FHOD3: variants seen among roughly 807,000 people sequenced by gnomAD.
FHOD3 encodes the protein FH1/FH2 domain-containing protein 3.
Under a neutral mutation model 173.0 loss-of-function variants are expected in FHOD3, and 90 were observed. That is an observed-to-expected ratio of 0.52 (90% confidence interval 0.44 to 0.62). The LOEUF (loss-of-function observed/expected upper bound fraction) is 0.62. FHOD3 is among the 20% of genes least tolerant of loss of function. The pLI is 0.00. For synonymous variants in FHOD3, 828 were observed against 823.0 expected, an observed-to-expected ratio of 1.01 and a Z score of -0.10; for missense variants, 1,945 against 2,034.7, an observed-to-expected ratio of 0.96 and a Z score of 0.85.
Position 36,429,684 on chromosome 18 carries a change from TG to T in FHOD3, c.337+56942del, listed in dbSNP as rs1331093900. Among the ~76,000 whole-genome samples the T allele has an allele frequency of 5.9e-5, 9 of 152,158 alleles. No individual in the cohort carries two copies. The South Asian group carries it at 1.9e-3, about 32-fold the overall frequency. ...TATGCAGAACGGCAGAAAGGAGACA[TG>T]GCAGAACTGAGGGCCAGAAGGAGGA... On this transcript the variant is annotated intron_variant, in intron 3 of 28. Coordinates refer to ENST00000590592, the MANE Select transcript of FHOD3 (RefSeq NM_001281740.3).
intron 20 of FHOD3, among the ~76,000 whole-genome samples, chr18:36,734,269 G>T (rs1318223517): frequency 2.0e-5 from 3 of 152,182 alleles, no homozygotes; most frequent in African/African-American, 7.2e-5. Flanking sequence ...CAACTTCAAT[G>T]CTACTGGCAT....
At chr18:36,660,373 AACAGGAG>A (rs970499882) in intron 14 of FHOD3, among the ~76,000 whole-genome samples, 11 of 147,406 alleles carry the variant, frequency 7.5e-5, no homozygotes, top group Non-Finnish European at 1.5e-4. Flanking sequence ...CAAGTTTGGA[AACAGGAG>A]ACAGGAGGCA....
At chr18:36,301,336 G>A (rs1197707444) in intron 1 of FHOD3, among the ~76,000 whole-genome samples, 1 of 152,116 alleles carries the variant, frequency 6.6e-6, no homozygotes, top group Non-Finnish European at 1.5e-5. Context: ...AGTTGAAGTT[G>A]TTCATTTAAT....
intron 19 of FHOD3, among the ~76,000 whole-genome samples, chr18:36,722,770 A>G (rs979749452): frequency 6.6e-6 from 1 of 152,114 alleles, no homozygotes; most frequent in African/African-American, 2.4e-5. Flanking sequence ...CTCAAGTACA[A>G]CCAAGGTTAT....
At chr18:36,462,142 A>G (rs146589919) in intron 3 of FHOD3, among the ~76,000 whole-genome samples, 1 of 152,222 alleles carries the variant, frequency 6.6e-6, no homozygotes, top group African/African-American at 2.4e-5. Flanking sequence ...CTTTTCCTAT[A>G]CCATGGCTCA....
intron 10 of FHOD3, among the ~76,000 whole-genome samples, chr18:36,642,228 A>T (rs539563975): frequency 1.5e-4 from 23 of 152,234 alleles, no homozygotes; most frequent in Admixed American, 1.4e-3. Flanking sequence ...TGTACAACAA[A>T]CCCTTGTGAT....
At chr18:36,594,702 T>C in intron 6 of FHOD3, 85 bp from the exon 7 acceptor site, 1 of 837,992 alleles carries the variant, frequency 1.2e-6, no homozygotes, top group Non-Finnish European at 1.9e-6. Context: ...TAGGAAGTGC[T>C]GGGTGCCCGC....
chr18:36,572,919 A>G (rs1229144643), intron 5 of FHOD3, among the ~76,000 whole-genome samples: 1 of 152,146 alleles, frequency 6.6e-6, no homozygotes, highest in Non-Finnish European at 1.5e-5. Flanking sequence ...AGGACAGTGG[A>G]GCAAACTCCT....
intron 1 of FHOD3, among the ~76,000 whole-genome samples, chr18:36,331,897 A>C (rs1038081497): frequency 3.1e-4 from 47 of 152,030 alleles, no homozygotes; most frequent in African/African-American, 1.1e-3. Context: ...GAGCAGAGGG[A>C]ATTAATGCAA....
At chr18:36,455,672 A>G (rs539631518) in intron 3 of FHOD3, among the ~76,000 whole-genome samples, 1 of 152,174 alleles carries the variant, frequency 6.6e-6, no homozygotes, top group African/African-American at 2.4e-5. Context: ...AGTTAAAAAT[A>G]TAAACCGTGC....
chr18:36,734,227 C>A (rs763143967), intron 20 of FHOD3, among the ~76,000 whole-genome samples: 1 of 152,220 alleles, frequency 6.6e-6, no homozygotes, highest in African/African-American at 2.4e-5. Context: ...CACAGAGTTA[C>A]ATTTTTACTT....
intron 1 of FHOD3, among the ~76,000 whole-genome samples, chr18:36,314,532 G>C (rs1245083230): frequency 6.6e-6 from 1 of 152,200 alleles, no homozygotes; most frequent in East Asian, 1.9e-4. Flanking sequence ...AGCTTTAGAG[G>C]AGGAGGTGGT....
intron 5 of FHOD3, among the ~76,000 whole-genome samples, chr18:36,562,127 C>T (rs2058108542): frequency 6.6e-6 from 1 of 152,142 alleles, no homozygotes; most frequent in Non-Finnish European, 1.5e-5. Context: ...AGTGATTCTC[C>T]TGCCTCAGCC....
At chr18:36,751,427 A>T (rs1207872814) in intron 24 of FHOD3, among the ~76,000 whole-genome samples, 1 of 152,190 alleles carries the variant, frequency 6.6e-6, no homozygotes, top group African/African-American at 2.4e-5. Flanking sequence ...GCAAACAAAG[A>T]TAGTTTGACT....
intron 3 of FHOD3, among the ~76,000 whole-genome samples, chr18:36,373,632 C>A (rs140757493): frequency 2.6e-5 from 4 of 152,298 alleles, no homozygotes; most frequent in African/African-American, 9.6e-5. Flanking sequence ...CTTTGCCTCA[C>A]TCTGCAGCTA....
chr18:36,576,844 G>A (rs187348078), intron 6 of FHOD3, among the ~76,000 whole-genome samples: 9 of 152,184 alleles, frequency 5.9e-5, no homozygotes, highest in African/African-American at 1.9e-4. Flanking sequence ...GGCTCACACC[G>A]GTAATCCCAG....
At chr18:36,339,423 G>A (rs1200819113) in intron 1 of FHOD3, among the ~76,000 whole-genome samples, 3 of 152,208 alleles carry the variant, frequency 2.0e-5, no homozygotes, top group Non-Finnish European at 4.4e-5. Context: ...GTTGCACAGG[G>A]CCCCATATGC....
At chr18:36,401,165 G>A (rs2048794939) in intron 3 of FHOD3, among the ~76,000 whole-genome samples, 1 of 152,158 alleles carries the variant, frequency 6.6e-6, no homozygotes, top group Non-Finnish European at 1.5e-5. Flanking sequence ...AATCACCAAA[G>A]CACTGGTATC....
At chr18:36,703,558 C>CA (rs2039702809) in intron 17 of FHOD3, among the ~76,000 whole-genome samples, 1 of 152,184 alleles carries the variant, frequency 6.6e-6, no homozygotes, top group Admixed American at 6.5e-5. Context: ...CCTGGTACAG[C>CA]ATCTGGGTGT....
Sources: allele counts gnomAD v4.1 joint callset (sites outside exome capture counted in the v4.1 genomes callset), GRCh38; gene constraint gnomAD v4.1.1; transcripts MANE v1.5; gene names NCBI Gene and HGNC (gene_info 2026-07-23, HGNC 2026-07-21).